SLC1A6: variants seen among roughly 807,000 people sequenced by gnomAD.
The protein encoded by SLC1A6 is excitatory amino acid transporter 4.
Under a neutral mutation model 42.1 loss-of-function variants are expected in SLC1A6, and 15 were observed. The ratio of observed to expected loss-of-function variants is 0.36; its 90% confidence interval spans 0.24 to 0.55. SLC1A6 has a LOEUF of 0.55. Among genes scored for constraint, SLC1A6 ranks in the 20% least tolerant of loss-of-function variants. SLC1A6 has a pLI of 0.88. For missense variants in SLC1A6, 542 were observed against 772.5 expected, an observed-to-expected ratio of 0.70 and a Z score of 3.54; for synonymous variants, 317 against 319.7, an observed-to-expected ratio of 0.99 and a Z score of 0.09.
At chr19:14,952,791 C>G in intron 9 of SLC1A6, 137 bp downstream of exon 9, 1 of 1,118,088 alleles carries the variant, frequency 8.9e-7, no homozygotes, top group Non-Finnish European at 1.2e-6. Flanking sequence ...GAGGCCTCTC[C>G]AAGGCCTCCT....
At chr19:14,959,182 C>T (rs2045487965) in intron 6 of SLC1A6, among the ~76,000 whole-genome samples, 1 of 152,200 alleles carries the variant, frequency 6.6e-6, no homozygotes, top group Admixed American at 6.5e-5. Context: ...CAGCTTGCAG[C>T]CTATACCCCT....
rs1568304819 is a variant in SLC1A6, at chr19:15,010,182, T to TCAAA, written c.6+302_6+303insTTTG. 1.6e-3 allele frequency among the ~76,000 whole-genome samples: 54 copies of TCAAA among 34,302 alleles called. 1 individual carries two copies. The highest frequency in any genetic ancestry group is 4.3e-3 in the African/African-American group (52 of 12,006). The allele number at this position is 34,302 out of a possible 152,430, so 22.5% of individuals were successfully genotyped here. On this transcript the variant is annotated intron_variant, in intron 1 of 8. Transcript: ENST00000430939. ...GCCCAGACGACAGTGCAAGACTCTATGAAAAAAAAAAAAAAGAAAGAAAGA... is the reference window on the plus strand; with the variant it reads ...GCCCAGACGACAGTGCAAGACTCTATCAAAGAAAAAAAAAAAAAAGAAAGAAAGA...
chr19:14,951,349 C>T (rs62116193), intron 9 of SLC1A6, among the ~76,000 whole-genome samples: 2 of 151,616 alleles, frequency 1.3e-5, no homozygotes, highest in Non-Finnish European at 2.9e-5. Context: ...ACATAGAATC[C>T]GGAATGGTAA....
At chr19:15,002,704 C>T (rs988906820) in intron 1 of SLC1A6, among the ~76,000 whole-genome samples, 8 of 152,088 alleles carry the variant, frequency 5.3e-5, no homozygotes, top group Admixed American at 2.6e-4. Flanking sequence ...GGCGGACAAC[C>T]AGCTAGTAAA....
At chr19:14,985,967 A>G (rs747787644) in intron 1 of SLC1A6, among the ~76,000 whole-genome samples, 4 of 152,144 alleles carry the variant, frequency 2.6e-5, no homozygotes, top group Admixed American at 6.5e-5. Flanking sequence ...CAAAAAAGAA[A>G]AAAAACAACA....
At position 14,968,381 on chromosome 19, in the gene SLC1A6, T is replaced by G; in HGVS notation, c.470A>C (p.Lys157Thr). Reference sequence around the variant, plus strand: ...CCGGTGCAGCCCCTCCTTGGAGCCCTTCCCGGGATGGATGATGGTGACCAT... The same window carrying G: ...CCGGTGCAGCCCCTCCTTGGAGCCCGTCCCGGGATGGATGATGGTGACCAT... ...ILMVTIIHPG[K>T]GSKEGLHREG... is the part of the protein sequence containing the mutation. Residue 157 changes from lysine to threonine, a missense_variant, in exon 4 of 10, where the codon AAG (lysine) becomes ACG (threonine). Lys to Thr is a moderately conservative substitution (Grantham distance 78). Transcript: ENST00000594383. 6.2e-7 allele frequency: 1 copy of G among 1,613,830 alleles called. No individual in the cohort carries two copies. The highest frequency in any genetic ancestry group is 8.5e-7 in the Non-Finnish European group (1 of 1,179,898).
At chr19:14,992,220 G>A (rs2045824023) in intron 1 of SLC1A6, among the ~76,000 whole-genome samples, 1 of 152,144 alleles carries the variant, frequency 6.6e-6, no homozygotes, top group Non-Finnish European at 1.5e-5. Context: ...TGGATTGTTT[G>A]CATTAATTTC....
At chr19:15,009,030 A>G (rs912441145) in intron 1 of SLC1A6, among the ~76,000 whole-genome samples, 5 of 149,416 alleles carry the variant, frequency 3.3e-5, no homozygotes, top group African/African-American at 1.2e-4. Flanking sequence ...AAATATACAT[A>G]TATGCTATCT....
chr19:14,956,648 C>T lies in SLC1A6; in HGVS notation c.997G>A (p.Ala333Thr). 6.2e-7 allele frequency: 1 copy of T among 1,613,894 alleles called. No individual in the cohort carries two copies. Among genetic ancestry groups the T allele is most frequent in the Non-Finnish European group, 8.5e-7 (1 of 1,179,914 alleles). The part of the protein sequence containing the change: ...AGKILEMEDM[A>T]VLGGQLGMYT... ...ATGCCCAGCTGACCCCCCAGGACGG[C>T]CATGTCTTCCATCTCCAGAATCTTC... Residue 333 changes from alanine (A) to threonine (T), a missense_variant, in exon 7 of 10, where the codon GCC (alanine) becomes ACC (threonine). This residue lies in a region of SLC1A6 where 298 missense variants were observed against 419.4 expected (regional missense o/e 0.71). Transcript: ENST00000594383.
chr19:14,961,636 T>C, intron 6 of SLC1A6: 1 of 196,868 alleles, frequency 5.1e-6, no homozygotes. Flanking sequence ...CATTGAAGCA[T>C]GAGTATAGAT....
intron 4 of SLC1A6, among the ~76,000 whole-genome samples, chr19:14,967,099 T>G (rs919312442): frequency 8.5e-5 from 13 of 152,130 alleles, no homozygotes; most frequent in Admixed American, 6.5e-4. Context: ...TCATTCACCC[T>G]CCAATGATGC....
chr19:14,988,325 TAGAAG>T (rs962658773), intron 1 of SLC1A6, among the ~76,000 whole-genome samples: 29 of 152,320 alleles, frequency 1.9e-4, no homozygotes, highest in African/African-American at 6.0e-4. Context: ...TTCTTGTAGT[TAGAAG>T]AGAAGTGATC....
At chr19:14,998,858 T>A (rs1458762871) in intron 1 of SLC1A6, among the ~76,000 whole-genome samples, 1 of 116,734 alleles carries the variant, frequency 8.6e-6, no homozygotes, top group Non-Finnish European at 1.9e-5. Flanking sequence ...TAAGAAACAT[T>A]TATTTATTTA....
chr19:14,995,494 G>GT (rs534266885), intron 1 of SLC1A6, among the ~76,000 whole-genome samples: 1 of 152,082 alleles, frequency 6.6e-6, no homozygotes, highest in Non-Finnish European at 1.5e-5. Context: ...GGAGAAAAAA[G>GT]TTCAAGAGAT....
intron 1 of SLC1A6, among the ~76,000 whole-genome samples, chr19:14,999,069 G>A (rs991216920): frequency 2.0e-5 from 3 of 151,760 alleles, no homozygotes; most frequent in Non-Finnish European, 4.4e-5. Context: ...TAGTAGAGAC[G>A]GGGTTTCATC....
At chr19:14,994,976 A>G (rs951461988) in intron 1 of SLC1A6, among the ~76,000 whole-genome samples, 1 of 152,182 alleles carries the variant, frequency 6.6e-6, no homozygotes, top group Non-Finnish European at 1.5e-5. Flanking sequence ...AGAAAGACAA[A>G]CACTGCATGA....
chr19:14,957,362 C>A (rs900099324), intron 6 of SLC1A6, among the ~76,000 whole-genome samples: 4 of 152,172 alleles, frequency 2.6e-5, no homozygotes, highest in Admixed American at 6.5e-5. Flanking sequence ...CCACTCCAAC[C>A]AAATTCATAT....
At chr19:14,991,392 A>T (rs1163785073) in intron 1 of SLC1A6, among the ~76,000 whole-genome samples, 1 of 152,186 alleles carries the variant, frequency 6.6e-6, no homozygotes, top group Non-Finnish European at 1.5e-5. Context: ...TGGGAGGCCA[A>T]GGTGGATAGA....
At chr19:14,952,411 C>G (rs2145162227) in intron 9 of SLC1A6, among the ~76,000 whole-genome samples, 1 of 151,766 alleles carries the variant, frequency 6.6e-6, no homozygotes, top group Admixed American at 6.6e-5. Context: ...AAAAAATTAG[C>G]CAGGCATGGT....
Sources: gnomAD v4.1 joint callset for allele counts (sites outside exome capture counted in the v4.1 genomes callset) on GRCh38, gnomAD v4.1.1 for gene constraint, gnomAD v4.1.1 regional missense constraint, MANE v1.5 for transcripts, NCBI Gene and HGNC (gene_info 2026-07-23, HGNC 2026-07-21) for gene names.